HOXA3: variants seen among roughly 807,000 people sequenced by gnomAD.
The protein encoded by HOXA3 is homeobox A3.
In HOXA3, 8 loss-of-function variants were observed where a neutral mutation model predicts 30.3. The observed-to-expected ratio is 0.26, with a 90% confidence interval of 0.15 to 0.48. HOXA3 has a LOEUF of 0.48. Ranked by LOEUF, HOXA3 falls within the 20% of genes least tolerant of loss-of-function variation. The probability of loss-of-function intolerance (pLI) is 0.99; values close to 1 mark genes in which losing one functional copy is unlikely to be tolerated. For synonymous variants in HOXA3, 323 were observed against 273.1 expected (o/e 1.18, Z -1.80); for missense variants, 653 against 614.4 (o/e 1.06, Z -0.66).
At chr7:27,152,137 T>C (rs1782993174) in intron 1 of HOXA3, among the ~76,000 whole-genome samples, 151 bp downstream of exon 1, 1 of 151,968 alleles carries the variant, frequency 6.6e-6, no homozygotes, top group African/African-American at 2.4e-5. Flanking sequence ...GTGTGGGCTG[T>C]AGTGTGTGAT....
At chr7:27,129,196 G>A (rs1785405735) in intron 2 of HOXA3, 1 of 1,260,698 alleles carries the variant, frequency 7.9e-7, no homozygotes, top group South Asian at 1.2e-5. Flanking sequence ...GCAGGTAAGG[G>A]ATAGAAACTG....
chr7:27,120,312 G>C (rs1784941515), intron 4 of HOXA3, among the ~76,000 whole-genome samples: 2 of 152,114 alleles, frequency 1.3e-5, no homozygotes, highest in Admixed American at 1.3e-4. Context: ...GGAGGCCGAG[G>C]TGGGTGGATC....
At chr7:27,109,651 C>T (rs1013195757) in intron 5 of HOXA3, among the ~76,000 whole-genome samples, 5 of 152,218 alleles carry the variant, frequency 3.3e-5, no homozygotes, top group Non-Finnish European at 7.3e-5. Context: ...GCCACTCCAT[C>T]TGCTGGAGCA....
intron 1 of HOXA3, among the ~76,000 whole-genome samples, chr7:27,148,932 C>A (rs1317798032): frequency 2.6e-5 from 4 of 152,262 alleles, no homozygotes; most frequent in Admixed American, 1.3e-4. Context: ...GTTTCCGGGG[C>A]GCCCGACAAC....
chr7:27,151,681 A>G (rs1421491117), intron 1 of HOXA3: 1 of 456,704 alleles, frequency 2.2e-6, no homozygotes, highest in East Asian at 6.9e-5. Context: ...TGGCTGAATT[A>G]GTAAGTTTTT....
chr7:27,131,722 C>A (rs1785565719), intron 2 of HOXA3, among the ~76,000 whole-genome samples: 1 of 152,196 alleles, frequency 6.6e-6, no homozygotes, highest in Admixed American at 6.5e-5. Flanking sequence ...CTTCCTATTT[C>A]AGAACTATCC....
intron 2 of HOXA3, chr7:27,130,627 G>A (rs1377203390): frequency 2.5e-6 from 4 of 1,571,522 alleles, no homozygotes; most frequent in Non-Finnish European, 2.6e-6. Flanking sequence ...GCCCCCGCCC[G>A]GGCCGCCGTC....
At chr7:27,151,653 G>A (rs1782977161) in intron 1 of HOXA3, 2 of 456,596 alleles carry the variant, frequency 4.4e-6, no homozygotes, top group Non-Finnish European at 8.8e-6. Flanking sequence ...AGGGAAGCCG[G>A]CAACGAGCGG....
chr7:27,147,391 C>T (rs1265049255), intron 1 of HOXA3: 3 of 1,614,220 alleles, frequency 1.9e-6, no homozygotes, highest in East Asian at 2.2e-5. Flanking sequence ...GAGTGCTTTG[C>T]CCTGCCCGCT....
rs763878865 is a variant in HOXA3, at chr7:27,108,109, G to C, written c.1138C>G (p.Pro380Ala). 13 of 1,608,826 alleles carry C rather than the reference G, an allele frequency of 8.1e-6. No homozygotes were observed. Among genetic ancestry groups the C allele is most frequent in the Admixed American group, 6.7e-5 (4 of 59,472 alleles). ...SYVEPMSNSGPALFGLTHLPH... is the reference protein window; with the variant it reads ...SYVEPMSNSGAALFGLTHLPH... ...AGGTGAGTTAGACCAAAGAGGGCTG[G>C]CCCGGAGTTGCTCATGGGCTCCACA... Residue 380 changes from proline to alanine, a missense_variant, in exon 6 of 6, where the codon CCA (proline) becomes GCA (alanine). Physicochemically the swap from Pro to Ala is conservative, Grantham distance 27 (BLOSUM62 -1). Around this residue, in one of 3 missense-constraint regions of HOXA3, gnomAD observed 330 missense variants for 274.4 expected, o/e 1.20. Transcript: ENST00000612286. This position sits in a 1 kb window ranked among gnomAD's most constrained non-coding sequence, Gnocchi z 5.0.
Position 27,107,649 on chromosome 7 carries a change from A to C in HOXA3, c.*266T>G. The stretch of plus-strand genomic sequence containing the variant: ...AAAGAGTGGAGAAGGTAAAGGGTGC[A>C]GGGCCAGTGGCCTATCGAGGAGCAG... On this transcript the variant is annotated 3_prime_UTR_variant, in exon 6 of 6. Coordinates refer to ENST00000612286, the MANE Select transcript of HOXA3 (RefSeq NM_153631.3). 1 of 381,196 alleles carries C rather than the reference A, an allele frequency of 2.6e-6. No homozygotes were observed. Among genetic ancestry groups the C allele is most frequent in the Non-Finnish European group, 4.7e-6 (1 of 214,510 alleles). The allele number at this position is 381,196 out of a possible 1,614,324, so 23.6% of individuals were successfully genotyped here.
At chr7:27,143,489 A>C (rs1442236741) in intron 1 of HOXA3, 1 of 1,613,872 alleles carries the variant, frequency 6.2e-7, no homozygotes, top group Middle Eastern at 1.6e-4. Flanking sequence ...GCCGGAGTGC[A>C]TGCTCGCCGA....
chr7:27,118,948 G>T (rs1784874088), intron 4 of HOXA3, among the ~76,000 whole-genome samples: 1 of 152,206 alleles, frequency 6.6e-6, no homozygotes, highest in Non-Finnish European at 1.5e-5. Flanking sequence ...AGTTGGTTTT[G>T]TTCAGTGGGA....
chr7:27,118,266 AAGG>A (rs1562716473), intron 4 of HOXA3, among the ~76,000 whole-genome samples: 2 of 152,144 alleles, frequency 1.3e-5, no homozygotes, highest in Non-Finnish European at 2.9e-5. Context: ...GGAGAAGGGG[AAGG>A]AGAAGGAGGA....
At chr7:27,134,398 C>A in intron 2 of HOXA3, 1 of 152,210 alleles carries the variant, frequency 6.6e-6, no homozygotes. Flanking sequence ...AAAGCAAGCA[C>A]ACTAAAAGCA....
At chr7:27,147,208 TTCTTTCTCTCTATTCC>T (rs1245385193) in intron 1 of HOXA3, 19 of 1,212,522 alleles carry the variant, frequency 1.6e-5, no homozygotes, top group Non-Finnish European at 2.1e-5. Flanking sequence ...CTTTCATCCT[TTCTTTCTCTCTATTCC>T]TCTTTCTACT....
At chr7:27,130,077 C>T (rs1468045763) in intron 2 of HOXA3, 6 of 1,552,144 alleles carry the variant, frequency 3.9e-6, no homozygotes, top group Non-Finnish European at 4.3e-6. Context: ...CCAGGCCCAG[C>T]CCCGGCCCAC....
chr7:27,143,298 A>G, intron 1 of HOXA3: 2 of 1,601,708 alleles, frequency 1.2e-6, no homozygotes, highest in Non-Finnish European at 1.7e-6. Flanking sequence ...GCCACGGCGG[A>G]GCAGGGCAGC....
chr7:27,127,613 G>A (rs1363706194), intron 2 of HOXA3, among the ~76,000 whole-genome samples: 2 of 152,200 alleles, frequency 1.3e-5, no homozygotes, highest in South Asian at 2.1e-4. Context: ...AGTGTGCACA[G>A]GTTTTTGTGG....
Sources: gnomAD v4.1 joint callset for allele counts (sites outside exome capture counted in the v4.1 genomes callset) on GRCh38, gnomAD v4.1.1 for gene constraint, gnomAD v4.1.1 regional missense constraint, Gnocchi (gnomAD v3.1) non-coding constraint, MANE v1.5 for transcripts, NCBI Gene and HGNC (gene_info 2026-07-23, HGNC 2026-07-21) for gene names.